The following COL27A1 variants were observed in gnomAD, a reference collection of about 807,000 sequenced individuals.
COL27A1 encodes collagen type XXVII alpha 1 chain, also known as collagen alpha-1(XXVII) chain.
Under a neutral mutation model 251.3 loss-of-function variants are expected in COL27A1, and 106 were observed. The ratio of observed to expected loss-of-function variants is 0.42; its 90% confidence interval spans 0.36 to 0.50. The LOEUF (loss-of-function observed/expected upper bound fraction) is 0.50, where lower values mean the gene tolerates loss of function less well. Ranked by LOEUF, COL27A1 falls within the 20% of genes least tolerant of loss-of-function variation. The pLI is 0.00. For missense variants in COL27A1, 2,325 were observed against 2,522.8 expected, an observed-to-expected ratio of 0.92 and a Z score of 1.68; for synonymous variants, 1,000 against 986.3, an observed-to-expected ratio of 1.01 and a Z score of -0.26.
chr9:114,184,908 T>C (rs1467144056), intron 5 of COL27A1, among the ~76,000 whole-genome samples: 2 of 152,162 alleles, frequency 1.3e-5, no homozygotes, highest in Non-Finnish European at 1.5e-5. Context: ...GCAGCTGTTT[T>C]GAATGGCCAG....
rs1198477897 is a variant in COL27A1, at chr9:114,222,278, T to TA, written c.2466+11_2466+12insA. ...GTCCCCGGCCTCATTGTAAGTACAT[T>TA]GATGCCTGGGGCAGCAGGTGGGTGT... On this transcript the variant is annotated intron_variant, in intron 14 of 60. Coordinates refer to ENST00000356083, the MANE Select transcript of COL27A1 (RefSeq NM_032888.4). 19 of 1,611,618 alleles carry TA rather than the reference T, an allele frequency of 1.2e-5. No individual in the cohort carries two copies. Among genetic ancestry groups the TA allele is most frequent in the Non-Finnish European group, 1.6e-5 (19 of 1,178,176 alleles).
intron 56 of COL27A1, among the ~76,000 whole-genome samples, chr9:114,302,492 C>T (rs10982138): frequency 5.3e-5 from 8 of 152,000 alleles, no homozygotes; most frequent in Admixed American, 3.3e-4. Flanking sequence ...TTTGGGAGTT[C>T]GAGGCGAGCA....
At chr9:114,183,194 T>G in intron 5 of COL27A1, 119 bp downstream of exon 5, 1 of 956,820 alleles carries the variant, frequency 1.0e-6, no homozygotes, top group Non-Finnish European at 1.6e-6. Context: ...GATTCCCGCC[T>G]AAGCCAGGGG....
chr9:114,195,403 A>G (rs1829048363), intron 6 of COL27A1, among the ~76,000 whole-genome samples: 1 of 152,196 alleles, frequency 6.6e-6, no homozygotes, highest in Admixed American at 6.5e-5. Flanking sequence ...AGACGGGCCC[A>G]GCTTACAAAT....
chr9:114,227,812 G>T (rs1329305979), intron 14 of COL27A1, among the ~76,000 whole-genome samples: 1 of 152,160 alleles, frequency 6.6e-6, no homozygotes, highest in Non-Finnish European at 1.5e-5. Context: ...TCTTTTTCAT[G>T]GGGACATGAC....
At chr9:114,199,085 C>A (rs1316108765) in intron 7 of COL27A1, among the ~76,000 whole-genome samples, 1 of 152,172 alleles carries the variant, frequency 6.6e-6, no homozygotes, top group African/African-American at 2.4e-5. Flanking sequence ...AACCACCCTC[C>A]ACTAGCCAAG....
intron 28 of COL27A1, among the ~76,000 whole-genome samples, chr9:114,260,415 A>T (rs1394806178): frequency 6.6e-6 from 1 of 152,042 alleles, no homozygotes; most frequent in African/African-American, 2.4e-5. Flanking sequence ...AAGGTGGGGA[A>T]CCTACAGAGG....
intron 7 of COL27A1, among the ~76,000 whole-genome samples, chr9:114,199,881 C>A (rs1323396420): frequency 6.6e-6 from 1 of 152,222 alleles, no homozygotes; most frequent in Admixed American, 6.5e-5. Context: ...GACACAGCCC[C>A]TGAATCTTTC....
chr9:114,301,533 T>A, intron 54 of COL27A1, 71 bp downstream of exon 54: 1 of 1,565,834 alleles, frequency 6.4e-7, no homozygotes. Flanking sequence ...CTCCCGGTGG[T>A]ACATTCTCTC....
rs1184982099 is a variant in COL27A1 at position 114,211,817 on chromosome 9, T to A, written c.2367+791T>A. 4.6e-5 allele frequency among the ~76,000 whole-genome samples: 7 copies of A among 152,122 alleles called. 1 individual carries two copies. The highest frequency in any genetic ancestry group is 8.8e-5 in the Non-Finnish European group (6 of 68,020). On this transcript the variant is annotated intron_variant, in intron 12 of 60. Transcript: ENST00000356083. ...CTGGAAGGAAGATCATTCATTCCAA[T>A]TATTGAGAAGCGGGAAACTGAGGCT...
chr9:114,306,896 A>G (rs1829091272), intron 58 of COL27A1: 1 of 582,408 alleles, frequency 1.7e-6, no homozygotes, highest in Non-Finnish European at 2.9e-6. Context: ...CAAAGAGACA[A>G]GAGCTCTGGC....
At chr9:114,191,434 C>T (rs969807428) in intron 5 of COL27A1, among the ~76,000 whole-genome samples, 4 of 152,074 alleles carry the variant, frequency 2.6e-5, no homozygotes, top group Non-Finnish European at 2.9e-5. Context: ...CCCCTGCCAC[C>T]GACAGGCCCC....
chr9:114,185,016 C>T (rs145102322), intron 5 of COL27A1, among the ~76,000 whole-genome samples: 23 of 152,330 alleles, frequency 1.5e-4, no homozygotes, highest in Non-Finnish European at 2.8e-4. Flanking sequence ...GCTCCATCAG[C>T]CCCTTCTGCT....
chr9:114,267,617 C>T, intron 34 of COL27A1, 60 bp downstream of exon 34: 1 of 1,426,906 alleles, frequency 7.0e-7, no homozygotes, highest in Non-Finnish European at 9.7e-7. Flanking sequence ...AGATGGTGGC[C>T]ACATCCTCTC....
chr9:114,227,052 T>C (rs973440572), intron 14 of COL27A1, among the ~76,000 whole-genome samples: 1 of 151,566 alleles, frequency 6.6e-6, no homozygotes, highest in South Asian at 2.1e-4. Context: ...GCACTCCGGG[T>C]ATAGGAAACA....
intron 36 of COL27A1, chr9:114,271,946 C>G (rs569462761): frequency 8.5e-4 from 129 of 152,344 alleles, no homozygotes; most frequent in African/African-American, 2.8e-3. Flanking sequence ...AGAGCGAGAG[C>G]ACCCCCTGTC....
intron 34 of COL27A1, among the ~76,000 whole-genome samples, chr9:114,267,993 G>A (rs1180609950): frequency 1.3e-5 from 2 of 152,182 alleles, no homozygotes; most frequent in South Asian, 4.1e-4. Context: ...GGACATTGTT[G>A]AGGCAGGGCC....
At chr9:114,199,810 T>C (rs918124338) in intron 7 of COL27A1, among the ~76,000 whole-genome samples, 8 of 152,160 alleles carry the variant, frequency 5.3e-5, no homozygotes, top group Admixed American at 5.2e-4. Context: ...CTGACCACAT[T>C]CAACTCCCTC....
chr9:114,283,778 C>G lies in COL27A1; in HGVS notation c.3933+16C>G. On this transcript the variant is annotated intron_variant, in intron 40 of 60. Transcript: ENST00000356083. ...TGGTTATGATGTAAGCAGATATCAC[C>G]TCACCCCACCCCCCGACTCTGTCCT... 1.2e-6 allele frequency: 2 copies of G among 1,613,456 alleles called. No homozygotes were observed. Among genetic ancestry groups the G allele is most frequent in the Non-Finnish European group, 1.7e-6 (2 of 1,179,492 alleles).
Sources: gnomAD v4.1 joint callset for allele counts (sites outside exome capture counted in the v4.1 genomes callset) on GRCh38, gnomAD v4.1.1 for gene constraint, MANE v1.5 for transcripts, NCBI Gene and HGNC (gene_info 2026-07-23, HGNC 2026-07-21) for gene names.